BTBD9: variants seen among roughly 807,000 people sequenced by gnomAD.
BTBD9 encodes BTB/POZ domain-containing protein 9.
BTBD9 carries 49 observed loss-of-function variants against 64.3 expected under a neutral mutation model. The observed-to-expected ratio is 0.76, with a 90% CI of 0.61 to 0.97. BTBD9 has a LOEUF of 0.97. BTBD9 is among the 50% of genes least tolerant of loss of function. The pLI, the probability that BTBD9 is intolerant of heterozygous loss-of-function variation, is 0.00. For missense variants in BTBD9, 598 were observed against 762.1 expected (o/e 0.78, Z 2.53); for synonymous variants, 260 against 274.7 (o/e 0.95, Z 0.53).
chr6:38,504,493 C>T (rs1389360328), intron 6 of BTBD9: 2 of 456,010 alleles, frequency 4.4e-6, no homozygotes, highest in African/African-American at 2.0e-5. Flanking sequence ...TCTCCTCTTA[C>T]CTTTTGAGGA....
At chr6:38,637,397 C>T (rs1205932810) in intron 1 of BTBD9, among the ~76,000 whole-genome samples, 1 of 152,194 alleles carries the variant, frequency 6.6e-6, no homozygotes, top group Non-Finnish European at 1.5e-5. Flanking sequence ...TTACATACCA[C>T]TCAAAAGAAT....
chr6:38,539,861 G>C (rs751332172), intron 6 of BTBD9, among the ~76,000 whole-genome samples: 21 of 152,134 alleles, frequency 1.4e-4, no homozygotes, highest in Admixed American at 1.1e-3. Context: ...ATGGAATCAG[G>C]CTCACAGATG....
intron 6 of BTBD9, among the ~76,000 whole-genome samples, chr6:38,499,276 C>T (rs1435905596): frequency 6.6e-6 from 1 of 152,200 alleles, no homozygotes; most frequent in African/African-American, 2.4e-5. Flanking sequence ...GCCCGCTCTG[C>T]ATTCAGCACA....
chr6:38,241,335 T>C (rs913658646), intron 9 of BTBD9, among the ~76,000 whole-genome samples: 4 of 152,164 alleles, frequency 2.6e-5, no homozygotes, highest in Non-Finnish European at 5.9e-5. Flanking sequence ...GCAAGCAGTA[T>C]TATCCAGTCT....
intron 6 of BTBD9, among the ~76,000 whole-genome samples, chr6:38,507,895 G>A (rs1017629548): frequency 4.1e-5 from 6 of 147,892 alleles, no homozygotes; most frequent in South Asian, 2.1e-4. Context: ...GTGCAGTGGC[G>A]CGATCTCGGC....
intron 6 of BTBD9, among the ~76,000 whole-genome samples, chr6:38,551,863 T>G (rs568349997): frequency 6.6e-6 from 1 of 152,200 alleles, no homozygotes; most frequent in South Asian, 2.1e-4. Context: ...TATAGAGATG[T>G]TGAAGGCAGG....
intron 9 of BTBD9, among the ~76,000 whole-genome samples, chr6:38,246,876 A>G (rs775434649): frequency 5.9e-5 from 9 of 152,164 alleles, no homozygotes; most frequent in East Asian, 5.8e-4. Flanking sequence ...AAGTGCTTCA[A>G]TCTTCTTGGA....
intron 6 of BTBD9, among the ~76,000 whole-genome samples, chr6:38,387,697 G>A (rs1766238409): frequency 6.6e-6 from 1 of 152,120 alleles, no homozygotes; most frequent in Admixed American, 6.5e-5. Flanking sequence ...ATATGGATCT[G>A]CAAGAAACCT....
intron 6 of BTBD9, among the ~76,000 whole-genome samples, chr6:38,364,586 G>C (rs1358281589): frequency 6.6e-6 from 1 of 152,154 alleles, no homozygotes; most frequent in Admixed American, 6.5e-5. Context: ...TTAAAAAACT[G>C]CAATACTCCT....
At chr6:38,397,820 G>A (rs9349077) in intron 6 of BTBD9, among the ~76,000 whole-genome samples, 31,149 of 152,200 alleles carry the variant, frequency 0.2, 4,065 homozygotes, top group East Asian at 0.52. Flanking sequence ...GGTTAGTTAA[G>A]TTTGGGGATA....
chr6:38,491,144 A>T (rs1187913187), intron 6 of BTBD9, among the ~76,000 whole-genome samples: 1 of 152,256 alleles, frequency 6.6e-6, no homozygotes, highest in Non-Finnish European at 1.5e-5. Context: ...ACAAAAGACA[A>T]CGAAACTCAA....
At chr6:38,419,830 A>G (rs887691505) in intron 6 of BTBD9, among the ~76,000 whole-genome samples, 4 of 152,230 alleles carry the variant, frequency 2.6e-5, no homozygotes, top group Non-Finnish European at 5.9e-5. Context: ...AGATCGCGAC[A>G]CTGCACTCCA....
At chr6:38,296,575 T>G (rs2127560509) in intron 7 of BTBD9, among the ~76,000 whole-genome samples, 1 of 152,300 alleles carries the variant, frequency 6.6e-6, no homozygotes, top group Admixed American at 6.5e-5. Flanking sequence ...TATTTAAAGC[T>G]AATATAGTAT....
chr6:38,366,495 C>G (rs1765187686), intron 6 of BTBD9, among the ~76,000 whole-genome samples: 1 of 152,180 alleles, frequency 6.6e-6, no homozygotes, highest in South Asian at 2.1e-4. Flanking sequence ...GCATGTCATA[C>G]AAAGCATGTA....
intron 1 of BTBD9, among the ~76,000 whole-genome samples, chr6:38,626,444 T>C (rs780407551): frequency 3.9e-5 from 6 of 152,208 alleles, no homozygotes; most frequent in Admixed American, 3.9e-4. Context: ...TTTGTACCCA[T>C]TAACCGTCTC....
chr6:38,485,467 T>C (rs1771351976), intron 6 of BTBD9, among the ~76,000 whole-genome samples: 1 of 152,214 alleles, frequency 6.6e-6, no homozygotes, highest in Non-Finnish European at 1.5e-5. Flanking sequence ...GATTCCTTGA[T>C]CCACGGGCTG....
At chr6:38,438,333 T>A (rs1190937396) in intron 6 of BTBD9, among the ~76,000 whole-genome samples, 1 of 151,972 alleles carries the variant, frequency 6.6e-6, no homozygotes, top group Non-Finnish European at 1.5e-5. Context: ...ATACTTTGGA[T>A]CCTCAGCATA....
At chr6:38,556,542 TGTGTGTGTGAGAGAGAGA>T (rs1015206615) in intron 6 of BTBD9, among the ~76,000 whole-genome samples, 4 of 62,406 alleles carry the variant, frequency 6.4e-5, no homozygotes, top group African/African-American at 2.6e-4. Context: ...TGTGTGTGTG[TGTGTGTGTGAGAGAGAGA>T]GAGAGAGAGA....
intron 4 of BTBD9, chr6:38,588,252 G>T: frequency 8.8e-7 from 1 of 1,129,976 alleles, no homozygotes; most frequent in Admixed American, 1.7e-5. Context: ...TGCCTTTTTG[G>T]TCAGCCTCAA....
Sources: gnomAD v4.1 joint callset for allele counts (sites outside exome capture counted in the v4.1 genomes callset) on GRCh38, gnomAD v4.1.1 for gene constraint, MANE v1.5 for transcripts, NCBI Gene and HGNC (gene_info 2026-07-23, HGNC 2026-07-21) for gene names.